ZNF215: variants seen among roughly 807,000 people sequenced by gnomAD.
ZNF215 encodes BWSCR2-associated zinc finger protein 2.
In ZNF215, 24 loss-of-function variants were observed where a neutral mutation model predicts 27.2. The observed-to-expected ratio is 0.88, with a 90% CI of 0.64 to 1.24. The LOEUF (loss-of-function observed/expected upper bound fraction) is 1.24. Ranked by LOEUF, ZNF215 falls within the 50% of genes most tolerant of loss-of-function variation. The pLI, the probability that ZNF215 is intolerant of heterozygous loss-of-function variation, is 0.00. For synonymous variants in ZNF215, 210 were observed against 204.0 expected, an observed-to-expected ratio of 1.03 and a Z score of -0.25; for missense variants, 675 against 605.7, an observed-to-expected ratio of 1.11 and a Z score of -1.20.
At chr11:6,993,526 C>A (rs942711558), downstream of ZNF215, among the ~76,000 whole-genome samples, 1 of 151,616 alleles carries the variant, frequency 6.6e-6, no homozygotes, top group African/African-American at 2.4e-5. Context: ...TTTTATACCC[C>A]CTCTCACTTA....
intron 2 of ZNF215, among the ~76,000 whole-genome samples, chr11:6,929,137 C>G (rs2133134941): frequency 6.6e-6 from 1 of 152,276 alleles, no homozygotes; most frequent in South Asian, 2.1e-4. Context: ...GCCATGACAA[C>G]CTAGATGGGA....
chr11:6,954,095 G>A (rs1468871641), intron 6 of ZNF215, among the ~76,000 whole-genome samples: 8 of 152,168 alleles, frequency 5.3e-5, no homozygotes, highest in Non-Finnish European at 1.2e-4. Context: ...TTCTCTGGAA[G>A]TTTTGTCTCA....
downstream of ZNF215, among the ~76,000 whole-genome samples, chr11:6,991,281 C>A (rs926754491): frequency 1.3e-5 from 2 of 152,202 alleles, no homozygotes; most frequent in Admixed American, 6.5e-5. Context: ...TCTGTGATTC[C>A]ACTTTCCCCT....
At chr11:6,937,331 G>A (rs1849471867) in intron 3 of ZNF215, among the ~76,000 whole-genome samples, 1 of 151,882 alleles carries the variant, frequency 6.6e-6, no homozygotes, top group Non-Finnish European at 1.5e-5. Flanking sequence ...AAATAGAGGT[G>A]TAGGACTTGT....
intron 5 of ZNF215, among the ~76,000 whole-genome samples, chr11:6,974,708 T>C (rs1364961238): frequency 2.0e-5 from 3 of 152,180 alleles, no homozygotes; most frequent in African/African-American, 7.2e-5. Context: ...GTTATTGATG[T>C]ATAAGAATGC....
rs1345063399 is a variant in ZNF215, at chr11:6,957,024, A to G, written c.*493A>G. The G allele has an allele frequency of 1.0e-6, 1 of 986,824 alleles. No individual in the cohort carries two copies. The highest frequency in any genetic ancestry group is 1.2e-6 in the Non-Finnish European group (1 of 830,948). The allele number at this position is 986,824 out of a possible 1,614,324, so 61.1% of individuals were successfully genotyped here. ...AAATCTCTGAATCAATGGCTAAGAC[A>G]ACAGTAACAGCCATTTACTCCACTC... On this transcript the variant is annotated 3_prime_UTR_variant, in exon 7 of 7. Transcript: ENST00000278319.
downstream of ZNF215, among the ~76,000 whole-genome samples, chr11:6,959,500 C>A (rs540751436): frequency 8.8e-4 from 134 of 152,292 alleles, no homozygotes; most frequent in Non-Finnish European, 1.6e-3. Context: ...AGGAGAAAAT[C>A]ATTTGCTGCT....
chr11:6,950,430 C>A (rs1168552767), intron 6 of ZNF215, among the ~76,000 whole-genome samples: 1 of 152,040 alleles, frequency 6.6e-6, no homozygotes, highest in African/African-American at 2.4e-5. Flanking sequence ...TGTAGTTCTC[C>A]TTGAAGAGGT....
At chr11:6,929,958 T>G (rs1849192419) in intron 2 of ZNF215, among the ~76,000 whole-genome samples, 1 of 152,216 alleles carries the variant, frequency 6.6e-6, no homozygotes, top group South Asian at 2.1e-4. Context: ...GCCATTTATA[T>G]CACTGCCTTA....
chr11:6,979,483 C>A (rs1002940800), intron 5 of ZNF215, among the ~76,000 whole-genome samples: 1 of 151,950 alleles, frequency 6.6e-6, no homozygotes, highest in Non-Finnish European at 1.5e-5. Flanking sequence ...TAAGTACTTG[C>A]TCTTTCTGTC....
At chr11:6,936,168 G>A (rs1166658455) in intron 3 of ZNF215, among the ~76,000 whole-genome samples, 5 of 151,932 alleles carry the variant, frequency 3.3e-5, no homozygotes, top group Admixed American at 1.3e-4. Flanking sequence ...AAAGATAAAT[G>A]ATGTGGAGCC....
rs567311146 is a variant in ZNF215, at chr11:6,930,417, C to T, written c.-179-1677C>T. On this transcript the variant is annotated intron_variant, in intron 2 of 6. Coordinates refer to ENST00000278319, the MANE Select transcript of ZNF215 (RefSeq NM_013250.4). ...GCCAAATACAAGTTCACACTTAGGT[C>T]TCCAACTCTAATCCATTATCACATG... is the stretch of plus-strand genomic sequence containing the variant. 3.3e-5 allele frequency among the ~76,000 whole-genome samples: 5 copies of T among 152,332 alleles called. No individual in the cohort carries two copies. In the South Asian group the frequency reaches 8.3e-4, roughly 25 times the overall value.
In ZNF215 at chr11:6,957,826, C is replaced by A. The variant is rs560583659; in HGVS notation, c.*1295C>A. Reference sequence around the variant, plus strand: ...CCAGACATTATGAAGTTATTAAAGTCTCCTATACTCTGTACACCAGAACTG... The same window carrying A: ...CCAGACATTATGAAGTTATTAAAGTATCCTATACTCTGTACACCAGAACTG... On this transcript the variant is annotated 3_prime_UTR_variant, in exon 7 of 7. Transcript: ENST00000278319. 1.0e-5 allele frequency: 10 copies of A among 985,272 alleles called. 1 individual carries two copies. Among genetic ancestry groups the A allele is most frequent in the Middle Eastern group, 1.0e-3 (2 of 1,936 alleles). The allele number at this position is 985,272 out of a possible 1,614,324, so 61.0% of individuals were successfully genotyped here.
chr11:6,955,912 T>C lies in ZNF215; in HGVS notation c.935T>C (p.Ile312Thr), dbSNP rs532117911. 6.2e-7 allele frequency: 1 copy of C among 1,611,592 alleles called. No homozygotes were observed. The highest frequency in any genetic ancestry group is 2.2e-5 in the East Asian group (1 of 44,866). ...AGTGAAAATAAGAAAAGCTTTGATA[T>C]TAATTCAGTTAGCTCAATTTGTGCT... ...ECSENKKSFD[I>T]NSVSSICAIQ... Residue 312 changes from isoleucine (I) to threonine (T), a missense_variant, in exon 7 of 7, where the codon ATT becomes ACT. Ile to Thr is a moderately conservative substitution (Grantham distance 89, BLOSUM62 -1). Coordinates refer to ENST00000278319, the MANE Select transcript of ZNF215 (RefSeq NM_013250.4).
At chr11:6,989,543 A>G (rs1280680867), downstream of ZNF215, among the ~76,000 whole-genome samples, 1 of 152,174 alleles carries the variant, frequency 6.6e-6, no homozygotes, top group African/African-American at 2.4e-5. Flanking sequence ...GATAGGTACT[A>G]TAGCAGTCCA....
rs1020445832 is a variant in ZNF215, at chr11:6,941,716, A to G, written c.483+63A>G. ...TCATTTTTAGTATTACCTGCTTTCA[A>G]TTTTTTGATCTTTGAACTTGTGCCA... is the stretch of plus-strand genomic sequence containing the variant. On this transcript the variant is annotated intron_variant, in intron 4 of 6. Coordinates refer to ENST00000278319, the MANE Select transcript of ZNF215 (RefSeq NM_013250.4). 3.5e-5 allele frequency: 54 copies of G among 1,553,160 alleles called. No individual in the cohort carries two copies. The African/African-American group carries it at 4.9e-4, about 14-fold the overall frequency.
Position 6,957,227 on chromosome 11 carries a change from T to G in ZNF215, c.*696T>G. 1 of 975,108 alleles carries G rather than the reference T, an allele frequency of 1.0e-6. No homozygotes were observed. The highest frequency in any genetic ancestry group is 1.2e-6 in the Non-Finnish European group (1 of 820,524). The allele number at this position is 975,108 out of a possible 1,614,324, so 60.4% of individuals were successfully genotyped here. On this transcript the variant is annotated 3_prime_UTR_variant, in exon 7 of 7. Coordinates refer to ENST00000278319, the MANE Select transcript of ZNF215 (RefSeq NM_013250.4). ...TTTTGTTATAATGTTATAATTGTTA[T>G]GATGTTGATGAGAAAAATATCGATT... is the stretch of plus-strand genomic sequence containing the variant.
At chr11:6,978,903 C>G (rs1850887640) in intron 5 of ZNF215, among the ~76,000 whole-genome samples, 1 of 151,944 alleles carries the variant, frequency 6.6e-6, no homozygotes, top group Non-Finnish European at 1.5e-5. Context: ...ATAAGATGAA[C>G]AAAAATGAGA....
At position 6,956,259 on chromosome 11, in the gene ZNF215, CT is replaced by C; in HGVS notation, c.1284del (p.His429MetfsTer54). ...RRTNLTKHQK[L>X]HAEAKACTSN... ...TACAAACCTTACTAAGCATCAAAAA[CT>C]TCATGCTGAAGCAAAGGCCTGCACA... On this transcript the variant is annotated frameshift_variant, in exon 7 of 7. Coordinates refer to ENST00000278319, the MANE Select transcript of ZNF215 (RefSeq NM_013250.4). LOFTEE classifies it low-confidence loss of function (END_TRUNC). 2 of 1,613,950 alleles carry C rather than the reference CT, an allele frequency of 1.2e-6. No individual in the cohort carries two copies. Among genetic ancestry groups the C allele is most frequent in the South Asian group, 2.2e-5 (2 of 91,054 alleles).
Sources: allele counts gnomAD v4.1 joint callset (sites outside exome capture counted in the v4.1 genomes callset), GRCh38; gene constraint gnomAD v4.1.1; transcripts MANE v1.5; gene names NCBI Gene and HGNC (gene_info 2026-07-23, HGNC 2026-07-21).